Variants in FAM120C observed in about 807,000 individuals in gnomAD.
FAM120C encodes constitutive coactivator of PPAR-gamma-like protein 2.
FAM120C carries 14 observed loss-of-function variants against 71.2 expected under a neutral mutation model. The observed-to-expected ratio is 0.20, with a 90% CI of 0.13 to 0.31. The LOEUF (loss-of-function observed/expected upper bound fraction) is 0.31. Among genes scored for constraint, FAM120C ranks in the 10% least tolerant of loss-of-function variants. The pLI, the probability that FAM120C is intolerant of heterozygous loss-of-function variation, is 1.00. For synonymous variants in FAM120C, 354 were observed against 353.2 expected, an observed-to-expected ratio of 1.00 and a Z score of -0.03; for missense variants, 500 against 879.0, an observed-to-expected ratio of 0.57 and a Z score of 5.45.
chrX:54,173,248 A>G (rs1342358752), intron 1 of FAM120C, among the ~76,000 whole-genome samples: 2 of 112,104 alleles, frequency 1.8e-5, no homozygotes, highest in Non-Finnish European at 3.8e-5. Flanking sequence ...TTTTTGTATA[A>G]TGATATTTCT....
At chrX:54,082,703 C>A (rs2066772877) in intron 13 of FAM120C, among the ~76,000 whole-genome samples, 1 of 111,239 alleles carries the variant, frequency 9.0e-6, no homozygotes, top group Non-Finnish European at 1.9e-5. Flanking sequence ...GCCACCGTGC[C>A]CGGTCCTAAA....
intron 10 of FAM120C, among the ~76,000 whole-genome samples, chrX:54,112,443 T>A (rs1423605766): frequency 1.8e-5 from 2 of 110,068 alleles, no homozygotes; most frequent in African/African-American, 6.6e-5. Flanking sequence ...CAGTGGCTCA[T>A]GCCTGTAATC....
intron 10 of FAM120C, among the ~76,000 whole-genome samples, chrX:54,112,596 C>A (rs1557125908): frequency 1.8e-5 from 2 of 109,916 alleles, no homozygotes; most frequent in African/African-American, 6.6e-5. Flanking sequence ...AATCCCAGCA[C>A]TTTGGGAGGC....
intron 1 of FAM120C, among the ~76,000 whole-genome samples, chrX:54,180,188 G>A (rs1019523846): frequency 1.8e-5 from 2 of 111,947 alleles, no homozygotes; most frequent in Non-Finnish European, 3.8e-5. Flanking sequence ...ATACTCAAGT[G>A]TTCAACTCTC....
rs949594137 is a variant in FAM120C at position 54,174,287 on chromosome X, G to A, written c.699+8213C>T. On this transcript the variant is annotated intron_variant, in intron 1 of 15. Coordinates refer to ENST00000375180, the MANE Select transcript of FAM120C (RefSeq NM_017848.6). The stretch of plus-strand genomic sequence containing the variant: ...GTTGTAGTCTGCTCATCAGAAGCAA[G>A]TCACTAGGTCCAGCCCACAAACGGG... 3.1e-5 allele frequency: 14 copies of A among 458,664 alleles called. No individual in the cohort carries two copies. The Admixed American group carries it at 3.5e-4, about 11-fold the overall frequency. The allele number at this position is 458,664 out of a possible 1,213,427, so 37.8% of individuals were successfully genotyped here. A position where few individuals can be genotyped will look rare whatever the true frequency, so the allele number is the denominator to read the frequency against.
intron 5 of FAM120C, among the ~76,000 whole-genome samples, chrX:54,135,984 G>A (rs1186322154): frequency 9.2e-6 from 1 of 109,093 alleles, no homozygotes. Flanking sequence ...GTAAATTTGA[G>A]AAAGCAGGGC....
chrX:54,172,614 G>A (rs372779295), intron 1 of FAM120C, among the ~76,000 whole-genome samples: 41 of 111,881 alleles, frequency 3.7e-4, no homozygotes, highest in Admixed American at 3.2e-3. Context: ...TACCTGTGAT[G>A]AGTCCAAGAG....
chrX:54,138,094 A>G (rs1413235256), intron 4 of FAM120C, among the ~76,000 whole-genome samples: 1 of 111,852 alleles, frequency 8.9e-6, no homozygotes, highest in Non-Finnish European at 1.9e-5. Flanking sequence ...AAATTGTGGT[A>G]TATTCATACA....
intron 9 of FAM120C, among the ~76,000 whole-genome samples, chrX:54,117,378 A>C (rs782295117): frequency 2.9e-4 from 29 of 98,852 alleles, no homozygotes; most frequent in African/African-American, 9.6e-4. Context: ...ATAAAATAAA[A>C]TAAAATAAAA....
chrX:54,118,408 T>C (rs2066984851), intron 9 of FAM120C, among the ~76,000 whole-genome samples: 1 of 110,923 alleles, frequency 9.0e-6, no homozygotes, highest in South Asian at 3.8e-4. Flanking sequence ...GGGGTCATAA[T>C]GCTGTCTTGT....
intron 10 of FAM120C, among the ~76,000 whole-genome samples, chrX:54,111,692 T>C (rs1313960036): frequency 8.9e-6 from 1 of 111,872 alleles, no homozygotes; most frequent in Non-Finnish European, 1.9e-5. Flanking sequence ...ATCAATATTG[T>C]GAAAATAACC....
At chrX:54,077,648 G>A (rs959317000) in intron 15 of FAM120C, among the ~76,000 whole-genome samples, 1 of 111,096 alleles carries the variant, frequency 9.0e-6, no homozygotes, top group East Asian at 2.8e-4. Flanking sequence ...TAGCTTGGGT[G>A]ACAGAGCGAG....
At position 54,073,261 on chromosome X, in the gene FAM120C, G is replaced by A; in HGVS notation, c.3063C>T (p.Ser1021=). ...GAGACCGACCTTGATGAAGCTCCAGGGATTTAGAAACTCCATCTGAAGAGC... is the reference window on the plus strand; with the variant it reads ...GAGACCGACCTTGATGAAGCTCCAGAGATTTAGAAACTCCATCTGAAGAGC... ...KQGSSDGVSK[S]LELHQGRSRS... Residue 1021 remains serine (S), a synonymous_variant, in exon 16 of 16, where the codon TCC becomes TCT. Coordinates refer to ENST00000375180, the MANE Select transcript of FAM120C (RefSeq NM_017848.6). The A allele has an allele frequency of 8.3e-7, 1 of 1,204,161 alleles. No individual in the cohort carries two copies. Among genetic ancestry groups the A allele is most frequent in the Non-Finnish European group, 1.1e-6 (1 of 890,532 alleles).
chrX:54,119,675 C>G (rs1433604522), intron 9 of FAM120C, among the ~76,000 whole-genome samples: 1 of 27,032 alleles, frequency 3.7e-5, no homozygotes, highest in Admixed American at 6.7e-4. Context: ...TGCCTGTTCA[C>G]TCTGATGGTA....
At chrX:54,097,101 T>G (rs782317338) in intron 10 of FAM120C, among the ~76,000 whole-genome samples, 2 of 112,419 alleles carry the variant, frequency 1.8e-5, no homozygotes, top group East Asian at 5.5e-4. Context: ...GACAGCTATT[T>G]GGACAAGGAA....
rs782351509 is a variant in FAM120C, at chrX:54,153,564, C to T, written c.1030-2191G>A. Among the ~76,000 whole-genome samples, 9 of 106,483 alleles carry T rather than the reference C, an allele frequency of 8.5e-5. 1 individual carries two copies. In the South Asian group the frequency reaches 2.1e-3, roughly 25 times the overall value. The allele number at this position is 106,483 out of a possible 115,157, so 92.5% of individuals were successfully genotyped here. Reference sequence around the variant, plus strand: ...CTAAGGTTACAGGCACACAACACCACGCCCAGCTATTTTTTTTTTTTTTGA... The same window carrying T: ...CTAAGGTTACAGGCACACAACACCATGCCCAGCTATTTTTTTTTTTTTTGA... On this transcript the variant is annotated intron_variant, in intron 3 of 15. Transcript: ENST00000375180.
At chrX:54,169,913 G>A (rs1344905075) in intron 1 of FAM120C, among the ~76,000 whole-genome samples, 2 of 111,638 alleles carry the variant, frequency 1.8e-5, no homozygotes, top group Non-Finnish European at 3.8e-5. Context: ...AAAGAATAAT[G>A]TATTAAAAGA....
Position 54,175,888 on chromosome X carries a change from G to A in FAM120C, c.699+6612C>T, listed in dbSNP as rs781981235. On this transcript the variant is annotated intron_variant, in intron 1 of 15. Coordinates refer to ENST00000375180, the MANE Select transcript of FAM120C (RefSeq NM_017848.6). ...ATAGGGATCTAAACCCAGGCAGTCT[G>A]GCTCCAAGGCCTGTGTTGTCAGCCA... Among the ~76,000 whole-genome samples, 11 of 111,665 alleles carry A rather than the reference G, an allele frequency of 9.9e-5. 1 individual carries two copies. In the Middle Eastern group the frequency reaches 0.018, roughly 186 times the overall value.
At chrX:54,118,691 C>CTTTT (rs1225428604) in intron 9 of FAM120C, among the ~76,000 whole-genome samples, 3 of 34,636 alleles carry the variant, frequency 8.7e-5, no homozygotes, top group Non-Finnish European at 1.1e-4. Context: ...TTGTATTTTT[C>CTTTT]TTTTTTTCTT....
Sources: allele counts gnomAD v4.1 joint callset (sites outside exome capture counted in the v4.1 genomes callset), GRCh38; gene constraint gnomAD v4.1.1; transcripts MANE v1.5; gene names NCBI Gene and HGNC (gene_info 2026-07-23, HGNC 2026-07-21).